The following RTL4 variants were observed in gnomAD, a reference collection of about 807,000 sequenced individuals.
The protein encoded by RTL4 is retrotransposon Gag like 4, also known as retrotransposon Gag-like protein 4.
RTL4 carries 4 observed loss-of-function variants against 5.3 expected under a neutral mutation model. That is an observed-to-expected ratio of 0.75 (90% CI 0.37 to 1.72). The LOEUF is 1.72. Ranked by LOEUF, RTL4 falls within the 40% of genes most tolerant of loss-of-function variation. RTL4 has a pLI of 0.04. For missense variants in RTL4, 260 were observed against 227.1 expected (o/e 1.14, Z -0.93); for synonymous variants, 98 against 87.3 (o/e 1.12, Z -0.68).
At chrX:112,124,504 A>C in the RTL4 span, among the ~76,000 whole-genome samples, 1 of 112,001 alleles carries the variant, frequency 8.9e-6, no homozygotes, top group African/African-American at 3.2e-5. Flanking sequence ...AAATGGAATG[A>C]GATCATGTCC....
At chrX:112,289,629 G>A in the RTL4 span, among the ~76,000 whole-genome samples, 2 of 111,584 alleles carry the variant, frequency 1.8e-5, no homozygotes, top group Non-Finnish European at 3.8e-5. Flanking sequence ...TCACCTGGTT[G>A]TTGTGTATAT....
At chrX:112,431,582 C>A in the RTL4 span, among the ~76,000 whole-genome samples, 1 of 111,609 alleles carries the variant, frequency 9.0e-6, no homozygotes, top group African/African-American at 3.3e-5. Flanking sequence ...TGTTGGAATT[C>A]TCTCCATCTG....
chrX:112,397,631 AAT>A, the RTL4 span, among the ~76,000 whole-genome samples: 1 of 112,160 alleles, frequency 8.9e-6, no homozygotes, highest in Non-Finnish European at 1.9e-5. Context: ...GCATGAACAT[AAT>A]ATATATTTCC....
chrX:112,298,400 C>G, the RTL4 span, among the ~76,000 whole-genome samples: 1 of 111,869 alleles, frequency 8.9e-6, no homozygotes, highest in Non-Finnish European at 1.9e-5. Context: ...GAAATTCTGC[C>G]TCTAAACTAG....
At chrX:112,291,915 C>T in the RTL4 span, among the ~76,000 whole-genome samples, 2 of 110,593 alleles carry the variant, frequency 1.8e-5, no homozygotes, top group Non-Finnish European at 3.8e-5. Flanking sequence ...CTAGTTCTAC[C>T]AACCATCTCC....
chrX:112,443,424 T>A, the RTL4 span, among the ~76,000 whole-genome samples: 24,874 of 110,879 alleles, frequency 0.22, 2,146 homozygotes, highest in Middle Eastern at 0.29. Flanking sequence ...CTCCTTATAC[T>A]GATTCTTTTT....
At chrX:112,338,467 CA>C in the RTL4 span, among the ~76,000 whole-genome samples, 606 of 111,627 alleles carry the variant, frequency 5.4e-3, 5 homozygotes, top group African/African-American at 0.019. Context: ...AAGTGACTGA[CA>C]AAAAAATCAA....
the RTL4 span, among the ~76,000 whole-genome samples, chrX:112,330,839 C>G: frequency 9.0e-6 from 1 of 111,061 alleles, no homozygotes; most frequent in Non-Finnish European, 1.9e-5. Context: ...ACAGAGCCCT[C>G]AAAAATAACA....
the RTL4 span, among the ~76,000 whole-genome samples, chrX:112,411,306 C>G: frequency 1.8e-5 from 2 of 111,340 alleles, no homozygotes; most frequent in Admixed American, 1.9e-4. Context: ...CCTAAGTAAA[C>G]TATTCCAAAA....
chrX:112,085,138 T>A, the RTL4 span, among the ~76,000 whole-genome samples: 1 of 112,144 alleles, frequency 8.9e-6, no homozygotes, highest in East Asian at 2.8e-4. Context: ...GCTCATCTTC[T>A]CTGTCAATAG....
the RTL4 span, among the ~76,000 whole-genome samples, chrX:112,246,162 C>T: frequency 8.9e-6 from 1 of 112,154 alleles, no homozygotes; most frequent in Non-Finnish European, 1.9e-5. Context: ...CCAGTTAGGG[C>T]ACACGGGGGT....
the RTL4 span, among the ~76,000 whole-genome samples, chrX:112,407,951 T>C: frequency 8.9e-6 from 1 of 112,415 alleles, no homozygotes; most frequent in African/African-American, 3.2e-5. Flanking sequence ...GGGCTGGAGG[T>C]TCCCCATAAA....
exon 1 of RTL4, chrX:112,454,539 G>T: frequency 2.5e-6 from 1 of 395,154 alleles, no homozygotes. Flanking sequence ...AACATTGAGT[G>T]GCGGACAACA....
At chrX:112,346,044 GCA>G in the RTL4 span, among the ~76,000 whole-genome samples, 2 of 111,327 alleles carry the variant, frequency 1.8e-5, no homozygotes, top group Non-Finnish European at 3.8e-5. Flanking sequence ...TCTGACATAT[GCA>G]CACACACACA....
the RTL4 span, among the ~76,000 whole-genome samples, chrX:112,410,388 A>T: frequency 0.019 from 2,110 of 112,112 alleles, 39 homozygotes; most frequent in Non-Finnish European, 0.029. Context: ...AGTGGACCTA[A>T]TAGATATTTA....
the RTL4 span, among the ~76,000 whole-genome samples, chrX:112,271,060 A>C: frequency 9.2e-6 from 1 of 108,734 alleles, no homozygotes; most frequent in African/African-American, 3.3e-5. Context: ...AAAAAAAAAA[A>C]AAAAAAAAAA....
the RTL4 span, among the ~76,000 whole-genome samples, chrX:112,401,297 T>C: frequency 9.0e-6 from 1 of 111,331 alleles, no homozygotes; most frequent in African/African-American, 3.3e-5. Flanking sequence ...ATAATCTATA[T>C]GTCTCTATTC....
the RTL4 span, among the ~76,000 whole-genome samples, chrX:112,167,363 TC>T: frequency 9.0e-6 from 1 of 111,687 alleles, no homozygotes; most frequent in Non-Finnish European, 1.9e-5. Flanking sequence ...TGGGTAAGTT[TC>T]CTCCTTGGGC....
chrX:112,373,463 T>C, the RTL4 span, among the ~76,000 whole-genome samples: 1 of 111,341 alleles, frequency 9.0e-6, no homozygotes, highest in Non-Finnish European at 1.9e-5. Flanking sequence ...GTTCATCTTT[T>C]TCATATTGAT....
Sources: gnomAD v4.1 joint callset for allele counts (sites outside exome capture counted in the v4.1 genomes callset) on GRCh38, gnomAD v4.1.1 for gene constraint, MANE v1.5 for transcripts, NCBI Gene and HGNC (gene_info 2026-07-23, HGNC 2026-07-21) for gene names.